SLC38A1: variants seen among roughly 807,000 people sequenced by gnomAD.
SLC38A1 encodes the protein sodium-coupled neutral amino acid symporter 1.
Under a neutral mutation model 60.3 loss-of-function variants are expected in SLC38A1, and 18 were observed. The observed-to-expected ratio is 0.30, with a 90% CI of 0.21 to 0.44. The LOEUF is 0.44. Ranked by LOEUF, SLC38A1 falls within the 20% of genes least tolerant of loss-of-function variation. SLC38A1 has a pLI of 1.00. For missense variants in SLC38A1, 448 were observed against 587.2 expected (o/e 0.76, Z 2.45); for synonymous variants, 196 against 212.1 (o/e 0.92, Z 0.66).
intron 5 of SLC38A1, among the ~76,000 whole-genome samples, chr12:46,212,515 G>C (rs1940220805): frequency 6.6e-6 from 1 of 152,220 alleles, no homozygotes; most frequent in African/African-American, 2.4e-5. Flanking sequence ...AGAAGATCTA[G>C]AGCATGTAAT....
chr12:46,260,775 C>T (rs899778578), intron 1 of SLC38A1, among the ~76,000 whole-genome samples: 1 of 152,166 alleles, frequency 6.6e-6, no homozygotes, highest in Non-Finnish European at 1.5e-5. Context: ...GCCAACATTC[C>T]TTCACAAAAT....
chr12:46,268,940 C>G lies in SLC38A1; in HGVS notation c.-623G>C, dbSNP rs1942456484. On this transcript the variant is annotated 5_prime_UTR_variant, in exon 1 of 17. The change abolishes an upstream ATG in the 5' untranslated region. Transcript: ENST00000398637. This position sits in a 1 kb window ranked among gnomAD's most constrained non-coding sequence, Gnocchi z 4.4. ...GGGGGACGCGTGGCCCTTCCGCAAC[C>G]ATGGCTTGTGATGGTTTAACGCGGA... 2.2e-6 allele frequency: 1 copy of G among 453,246 alleles called. No individual in the cohort carries two copies. The highest frequency in any genetic ancestry group is 2.0e-5 in the African/African-American group (1 of 50,050). The allele number at this position is 453,246 out of a possible 1,614,324, so 28.1% of individuals were successfully genotyped here.
At chr12:46,213,797 C>T (rs991320157) in intron 5 of SLC38A1, among the ~76,000 whole-genome samples, 1 of 152,200 alleles carries the variant, frequency 6.6e-6, no homozygotes, top group Non-Finnish European at 1.5e-5. Context: ...TTATGTGTCT[C>T]CATCACTAGA....
intron 6 of SLC38A1, 104 bp downstream of exon 6, chr12:46,208,946 CTTTT>C (rs146193666): frequency 1.3e-6 from 1 of 791,010 alleles, no homozygotes; most frequent in Non-Finnish European, 2.1e-6. Flanking sequence ...AATAGTCTTT[CTTTT>C]TAATAATCAA....
chr12:46,204,211 T>C, intron 11 of SLC38A1, 90 bp downstream of exon 11: 4 of 815,332 alleles, frequency 4.9e-6, no homozygotes, highest in South Asian at 4.3e-5. Flanking sequence ...TGAGAACTAA[T>C]ACATTCAAAC....
chr12:46,211,456 T>C (rs6582622), intron 5 of SLC38A1, among the ~76,000 whole-genome samples: 131,386 of 152,260 alleles, frequency 0.86, 56,941 homozygotes, highest in African/African-American at 0.95. Flanking sequence ...CTGGAGAACT[T>C]GGTATTTATT....
rs1004290235 is a variant in SLC38A1 at position 46,188,696 on chromosome 12, G to T, written c.*274C>A. 3.7e-4 allele frequency: 111 copies of T among 300,038 alleles called. 2 individuals carry two copies. The highest frequency in any genetic ancestry group is 9.5e-4 in the Middle Eastern group (1 of 1,056). The allele number at this position is 300,038 out of a possible 1,614,324, so 18.6% of individuals were successfully genotyped here. A position where few individuals can be genotyped will look rare whatever the true frequency, so the allele number is the denominator to read the frequency against. ...GAAGCCACAAAACATAGAGTTAGAT[G>T]GGTAAAAAATGATTGTGAAAAGTAC... On this transcript the variant is annotated 3_prime_UTR_variant, in exon 17 of 17. Coordinates refer to ENST00000398637, the MANE Select transcript of SLC38A1 (RefSeq NM_030674.4).
chr12:46,189,466 T>G (rs1939052238), intron 16 of SLC38A1, among the ~76,000 whole-genome samples: 1 of 152,160 alleles, frequency 6.6e-6, no homozygotes, highest in South Asian at 2.1e-4. Flanking sequence ...CAACTTAGCT[T>G]ATCACTGGCA....
Position 46,183,882 on chromosome 12 carries a change from T to C in SLC38A1, c.*5088A>G, listed in dbSNP as rs528734000. ...TGGGAGAGAATGTAAATTTTTCTAATTCCCAAACAAAACCACTAATTTCTA... is the reference window on the plus strand; with the variant it reads ...TGGGAGAGAATGTAAATTTTTCTAACTCCCAAACAAAACCACTAATTTCTA... On this transcript the variant is annotated 3_prime_UTR_variant, in exon 17 of 17. Coordinates refer to ENST00000398637, the MANE Select transcript of SLC38A1 (RefSeq NM_030674.4). The C allele has an allele frequency of 1.3e-5, 2 of 152,448 alleles. No individual in the cohort carries two copies. The highest frequency in any genetic ancestry group is 2.9e-5 in the Non-Finnish European group (2 of 68,012). The allele number at this position is 152,448 out of a possible 1,614,324, so 9.4% of individuals were successfully genotyped here. A position where few individuals can be genotyped will look rare whatever the true frequency, so the allele number is the denominator to read the frequency against.
intron 5 of SLC38A1, among the ~76,000 whole-genome samples, chr12:46,210,342 C>T (rs1222926834): frequency 4.6e-5 from 7 of 152,178 alleles, no homozygotes; most frequent in Admixed American, 3.9e-4. Flanking sequence ...CTGCCAGAAA[C>T]TGGCCAGCAA....
intron 5 of SLC38A1, 39 bp downstream of exon 5, chr12:46,229,114 C>G: frequency 4.2e-6 from 5 of 1,195,358 alleles, no homozygotes; most frequent in Non-Finnish European, 6.1e-6. Context: ...ACAAAAAGTT[C>G]AGTTTTAAAA....
intron 3 of SLC38A1, among the ~76,000 whole-genome samples, chr12:46,230,072 A>T (rs1052865586): frequency 6.6e-6 from 1 of 152,240 alleles, no homozygotes; most frequent in South Asian, 2.1e-4. Context: ...GGAAAATTAG[A>T]TAATATCAAG....
At chr12:46,191,719 A>G (rs1939153365) in intron 16 of SLC38A1, among the ~76,000 whole-genome samples, 1 of 151,774 alleles carries the variant, frequency 6.6e-6, no homozygotes, top group South Asian at 2.1e-4. Flanking sequence ...TTCACTCATG[A>G]TCGGCTGTTT....
At chr12:46,224,345 C>T (rs1004556469) in intron 5 of SLC38A1, among the ~76,000 whole-genome samples, 2 of 152,074 alleles carry the variant, frequency 1.3e-5, no homozygotes, top group African/African-American at 4.8e-5. Flanking sequence ...AAATCCAGCA[C>T]CATTCTTACA....
At chr12:46,247,552 C>T (rs988260762) in intron 1 of SLC38A1, among the ~76,000 whole-genome samples, 1 of 152,152 alleles carries the variant, frequency 6.6e-6, no homozygotes, top group Non-Finnish European at 1.5e-5. Context: ...ACCAAATCTA[C>T]GTTTGACTGG....
chr12:46,216,116 C>T lies in SLC38A1; in HGVS notation c.315-6989G>A, dbSNP rs147462531. Reference sequence around the variant, plus strand: ...TCTTCTACCTCTTACTTCTAGTCTACCTTTCTCAAGGGTCTCAACCCTCCT... The same window carrying T: ...TCTTCTACCTCTTACTTCTAGTCTATCTTTCTCAAGGGTCTCAACCCTCCT... On this transcript the variant is annotated intron_variant, in intron 5 of 16. Coordinates refer to ENST00000398637, the MANE Select transcript of SLC38A1 (RefSeq NM_030674.4). Among the ~76,000 whole-genome samples, 167 of 152,268 alleles carry T rather than the reference C, an allele frequency of 1.1e-3. 1 individual carries two copies. Among genetic ancestry groups the T allele is most frequent in the East Asian group, 8.5e-3 (44 of 5,186 alleles).
chr12:46,220,753 T>C (rs552604067), intron 5 of SLC38A1, among the ~76,000 whole-genome samples: 5 of 152,314 alleles, frequency 3.3e-5, no homozygotes, highest in Admixed American at 3.3e-4. Flanking sequence ...CAAGTTTGTA[T>C]AAAGGTATGC....
chr12:46,197,212 G>A (rs12313010), intron 16 of SLC38A1, among the ~76,000 whole-genome samples: 11,421 of 152,198 alleles, frequency 0.075, 467 homozygotes, highest in Non-Finnish European at 0.086. Flanking sequence ...CCAGAGGGCC[G>A]GGCGCGATGG....
rs1230557500 is a variant in SLC38A1, at chr12:46,268,046, A to AC, written c.-209+479dup. ...CGCTACCCAGCCGGCCGCACGCAGC[A>AC]CCCCCCGGACATCACACGATCTCCT... On this transcript the variant is annotated intron_variant, in intron 1 of 16. Transcript: ENST00000398637. This position sits in a 1 kb window ranked among gnomAD's most constrained non-coding sequence, Gnocchi z 4.4. Among the ~76,000 whole-genome samples, 2 of 151,784 alleles carry AC rather than the reference A, an allele frequency of 1.3e-5. No individual in the cohort carries two copies. The highest frequency in any genetic ancestry group is 2.9e-5 in the Non-Finnish European group (2 of 67,936).
Sources: allele counts gnomAD v4.1 joint callset (sites outside exome capture counted in the v4.1 genomes callset), GRCh38; gene constraint gnomAD v4.1.1; non-coding constraint Gnocchi (gnomAD v3.1); transcripts MANE v1.5; gene names NCBI Gene and HGNC (gene_info 2026-07-23, HGNC 2026-07-21).